Variants in SDHB observed in about 807,000 individuals in gnomAD.
SDHB encodes the protein succinate dehydrogenase [ubiquinone] iron-sulfur subunit, mitochondrial.
In SDHB, 21 loss-of-function variants were observed where a neutral mutation model predicts 39.7. That is an observed-to-expected ratio of 0.53 (90% CI 0.37 to 0.76). The LOEUF is 0.76. Among genes scored for constraint, SDHB ranks in the 30% least tolerant of loss-of-function variants. The pLI, the probability that SDHB is intolerant of heterozygous loss-of-function variation, is 0.00. For missense variants in SDHB, 343 were observed against 350.9 expected, an observed-to-expected ratio of 0.98 and a Z score of 0.18; for synonymous variants, 118 against 117.0, an observed-to-expected ratio of 1.01 and a Z score of -0.06.
rs112319489 is a variant in SDHB at position 17,042,268 on chromosome 1, A to G, written c.200+2493T>C. 2.6e-3 allele frequency among the ~76,000 whole-genome samples: 390 copies of G among 152,352 alleles called. 1 individual carries two copies. The highest frequency in any genetic ancestry group is 9.0e-3 in the African/African-American group (376 of 41,580). ...GTCCTCAGCAAAATCATGTAAGAGT[A>G]AAATGGTAATTTGTCCAATGCCATT... On this transcript the variant is annotated intron_variant, in intron 2 of 7. Transcript: ENST00000375499.
At chr1:17,033,249 G>T (rs751063526) in intron 2 of SDHB, 104 bp from the exon 3 acceptor site, 34 of 898,612 alleles carry the variant, frequency 3.8e-5, no homozygotes, top group Non-Finnish European at 5.8e-5. Context: ...TATCCATTTG[G>T]TCTTCTCAGG....
At chr1:17,033,734 T>C (rs772239245) in intron 2 of SDHB, among the ~76,000 whole-genome samples, 1 of 152,242 alleles carries the variant, frequency 6.6e-6, no homozygotes, top group Non-Finnish European at 1.5e-5. Context: ...ACTTACCAGC[T>C]TGCAGGCAAA....
intron 2 of SDHB, among the ~76,000 whole-genome samples, chr1:17,040,376 T>C (rs4920653): frequency 0.27 from 41,062 of 152,126 alleles, 6,286 homozygotes; most frequent in East Asian, 0.63. Flanking sequence ...TTCTTGGCCA[T>C]GAGTTCTTCA....
At chr1:17,040,847 C>A (rs1042730756) in intron 2 of SDHB, among the ~76,000 whole-genome samples, 1 of 151,482 alleles carries the variant, frequency 6.6e-6, no homozygotes, top group Admixed American at 6.6e-5. Flanking sequence ...CAGATAATTT[C>A]GGCCGGGCAT....
chr1:17,042,066 C>A (rs1350780041), intron 2 of SDHB, among the ~76,000 whole-genome samples: 1 of 152,108 alleles, frequency 6.6e-6, no homozygotes, highest in Admixed American at 6.5e-5. Flanking sequence ...GGATTACAGG[C>A]ATGTGCCACC....
intron 1 of SDHB, among the ~76,000 whole-genome samples, chr1:17,051,842 A>ATTT (rs376165201): frequency 7.0e-6 from 1 of 142,388 alleles, no homozygotes; most frequent in Non-Finnish European, 1.5e-5. Context: ...CATTTTTTAA[A>ATTT]TTTTTTTTTT....
rs878854578 is a variant in SDHB, at chr1:17,022,714, A to G, written c.659T>C (p.Ile220Thr). ...CTCTGTGAAGTCATCTCTGGAGTCA[A>G]TCATCCAGCGATAGGCCTGGAAAAC... ...AVLMQAYRWM[I>T]DSRDDFTEER... The change falls in exon 7 of 8, where the codon ATT becomes ACT. Residue 220 changes from isoleucine (I) to threonine (T), a missense_variant. By Grantham distance (89) the Ile-to-Thr change is moderately conservative. Transcript: ENST00000375499. The G allele has an allele frequency of 3.1e-6, 5 of 1,613,858 alleles. No homozygotes were observed. The highest frequency in any genetic ancestry group is 2.2e-5 in the East Asian group (1 of 44,872).
At chr1:17,029,152 C>A (rs1235207823) in intron 3 of SDHB, among the ~76,000 whole-genome samples, 4 of 133,974 alleles carry the variant, frequency 3.0e-5, no homozygotes, top group Non-Finnish European at 6.2e-5. Context: ...GTCACCCAGG[C>A]TGGAGTGCAG....
intron 5 of SDHB, 32 bp from the exon 6 acceptor site, chr1:17,024,106 G>A (rs771830868): frequency 6.7e-7 from 1 of 1,481,784 alleles, no homozygotes; most frequent in Non-Finnish European, 9.4e-7. Context: ...GCAGGAGCTT[G>A]TGACGGGAGA....
At chr1:17,022,763 A>T (rs2077969294) in intron 6 of SDHB, 33 bp from the exon 7 acceptor site, 1 of 1,606,882 alleles carries the variant, frequency 6.2e-7, no homozygotes, top group African/African-American at 1.3e-5. Flanking sequence ...CTGAGCTGCC[A>T]ATCAACAGGC....
chr1:17,023,800 C>G (rs2101515815), intron 6 of SDHB, among the ~76,000 whole-genome samples, 173 bp downstream of exon 6: 1 of 152,356 alleles, frequency 6.6e-6, no homozygotes, highest in Middle Eastern at 3.4e-3. Context: ...GACAAGGCCC[C>G]AGATTTACCG....
intron 2 of SDHB, among the ~76,000 whole-genome samples, chr1:17,035,809 G>A (rs1236221339): frequency 3.9e-5 from 6 of 152,104 alleles, no homozygotes; most frequent in East Asian, 1.9e-4. Flanking sequence ...GCAGTGAGCC[G>A]AGACCGCACC....
intron 6 of SDHB, among the ~76,000 whole-genome samples, chr1:17,023,427 G>C (rs897750420): frequency 2.0e-5 from 3 of 152,228 alleles, no homozygotes; most frequent in African/African-American, 7.2e-5. Flanking sequence ...AGAGAAGTTG[G>C]TTTTTGAGTT....
In SDHB at chr1:17,018,843, TC is replaced by T; in HGVS notation, c.*37del. 1 of 1,434,262 alleles carries T rather than the reference TC, an allele frequency of 7.0e-7. No homozygotes were observed. The highest frequency in any genetic ancestry group is 1.1e-5 in the South Asian group (1 of 87,410). The allele number at this position is 1,434,262 out of a possible 1,614,324, so 88.8% of individuals were successfully genotyped here. ...AAATTAGATATAAATTATGTTCAGC[TC>T]TGAGCTGGTTATAAATCATGTTTAG... On this transcript the variant is annotated 3_prime_UTR_variant, in exon 8 of 8. Coordinates refer to ENST00000375499, the MANE Select transcript of SDHB (RefSeq NM_003000.3).
chr1:17,036,786 A>G (rs2078052697), intron 2 of SDHB, among the ~76,000 whole-genome samples: 1 of 147,006 alleles, frequency 6.8e-6, no homozygotes, highest in African/African-American at 2.5e-5. Context: ...AAATATAAAT[A>G]CATATATAAA....
At chr1:17,029,978 G>T (rs1039243392) in intron 3 of SDHB, among the ~76,000 whole-genome samples, 2 of 152,186 alleles carry the variant, frequency 1.3e-5, no homozygotes, top group African/African-American at 4.8e-5. Context: ...GAGGTGGGCA[G>T]ATCACTTGAG....
At chr1:17,046,004 T>C (rs1278853248) in intron 1 of SDHB, among the ~76,000 whole-genome samples, 1 of 152,194 alleles carries the variant, frequency 6.6e-6, no homozygotes, top group Non-Finnish European at 1.5e-5. Flanking sequence ...TTGTTCAACA[T>C]GCTAAAAACC....
At chr1:17,051,186 CCAG>C (rs1356130577) in intron 1 of SDHB, among the ~76,000 whole-genome samples, 1 of 152,134 alleles carries the variant, frequency 6.6e-6, no homozygotes, top group Non-Finnish European at 1.5e-5. Context: ...TGTTACCTGC[CCAG>C]CAATTTATAC....
At chr1:17,037,641 G>C (rs1026208385) in intron 2 of SDHB, among the ~76,000 whole-genome samples, 2 of 152,098 alleles carry the variant, frequency 1.3e-5, no homozygotes, top group Non-Finnish European at 2.9e-5. Context: ...ATTTTTAGTA[G>C]AGACAGGGTT....
Sources: allele counts gnomAD v4.1 joint callset (sites outside exome capture counted in the v4.1 genomes callset), GRCh38; gene constraint gnomAD v4.1.1; transcripts MANE v1.5; gene names NCBI Gene and HGNC (gene_info 2026-07-23, HGNC 2026-07-21).